Variants in MYO5B observed in about 807,000 individuals in gnomAD.
MYO5B encodes myosin VB.
A neutral mutation model predicts 229.3 loss-of-function variants in MYO5B; 143 were observed. That is an observed-to-expected ratio of 0.62 (90% confidence interval 0.54 to 0.72). The LOEUF (loss-of-function observed/expected upper bound fraction) is 0.72. Among genes scored for constraint, MYO5B ranks in the 30% least tolerant of loss-of-function variants. MYO5B has a pLI of 0.00. For missense variants in MYO5B, 2,321 were observed against 2,331.0 expected, an observed-to-expected ratio of 1.00 and a Z score of 0.09; for synonymous variants, 918 against 885.2, an observed-to-expected ratio of 1.04 and a Z score of -0.66.
chr18:49,943,273 G>C (rs1205185529), intron 14 of MYO5B, among the ~76,000 whole-genome samples: 7 of 150,942 alleles, frequency 4.6e-5, no homozygotes, highest in African/African-American at 1.7e-4. Context: ...GTTAAATGAC[G>C]AGTTACTGGG....
chr18:50,060,768 C>A (rs1008321480), intron 1 of MYO5B, among the ~76,000 whole-genome samples: 3 of 152,150 alleles, frequency 2.0e-5, no homozygotes, highest in African/African-American at 7.2e-5. Context: ...ATGACAAGAG[C>A]CTGAATCCTG....
At chr18:49,869,353 C>T (rs1046779034) in intron 27 of MYO5B, among the ~76,000 whole-genome samples, 1 of 152,160 alleles carries the variant, frequency 6.6e-6, no homozygotes, top group Non-Finnish European at 1.5e-5. Flanking sequence ...CCAGCCTCTT[C>T]AACATGAGTG....
chr18:50,114,288 T>C (rs1252848951), intron 1 of MYO5B, among the ~76,000 whole-genome samples: 6 of 152,192 alleles, frequency 3.9e-5, no homozygotes, highest in Admixed American at 3.9e-4. Context: ...TTATGTAAAT[T>C]TTGGAGAATG....
chr18:49,933,624 CT>C (rs1201051718), intron 16 of MYO5B, among the ~76,000 whole-genome samples: 3 of 152,172 alleles, frequency 2.0e-5, no homozygotes, highest in African/African-American at 7.2e-5. Flanking sequence ...TGATGGGATG[CT>C]TGTAGCATCT....
At chr18:49,948,934 C>G (rs1030730148) in intron 14 of MYO5B, among the ~76,000 whole-genome samples, 1 of 152,178 alleles carries the variant, frequency 6.6e-6, no homozygotes, top group Admixed American at 6.5e-5. Context: ...TGAGACTGCA[C>G]TTGGAAGTGG....
chr18:49,993,354 G>A (rs2025953253), intron 5 of MYO5B, among the ~76,000 whole-genome samples: 1 of 151,816 alleles, frequency 6.6e-6, no homozygotes, highest in African/African-American at 2.4e-5. Context: ...AGAACTATTA[G>A]TGTCGCCTGA....
At chr18:50,065,298 G>A (rs2721089) in intron 1 of MYO5B, among the ~76,000 whole-genome samples, 142,227 of 152,220 alleles carry the variant, frequency 0.93, 67,178 homozygotes, top group East Asian at 1. Context: ...TGGGCACAGT[G>A]AAGAGGAGAC....
At chr18:50,120,645 T>A (rs993023337) in intron 1 of MYO5B, among the ~76,000 whole-genome samples, 3 of 152,284 alleles carry the variant, frequency 2.0e-5, no homozygotes, top group African/African-American at 7.2e-5. Flanking sequence ...AGTAAGCTGC[T>A]CGACCTCAAG....
At chr18:49,841,262 G>C in intron 35 of MYO5B, 103 bp downstream of exon 35, 9 of 1,080,220 alleles carry the variant, frequency 8.3e-6, no homozygotes, top group Non-Finnish European at 1.0e-5. Context: ...GGTCCCCAAG[G>C]GTGCTCCAAA....
At chr18:49,840,132 C>T (rs1409395949) in intron 35 of MYO5B, 10 of 152,378 alleles carry the variant, frequency 6.6e-5, no homozygotes, top group Non-Finnish European at 1.5e-5. Context: ...AATATGAGCA[C>T]ATGTAACCAC....
chr18:49,934,505 C>T lies in MYO5B; in HGVS notation c.2003+1747G>A, dbSNP rs117965270. Among the ~76,000 whole-genome samples, 619 of 152,320 alleles carry T rather than the reference C, an allele frequency of 4.1e-3. 1 individual carries two copies. The highest frequency in any genetic ancestry group is 7.0e-3 in the Non-Finnish European group (475 of 68,044). Reference sequence around the variant, plus strand: ...GAGTATCTGTCCCACAGCAGGGACACGCTCTGATGAGGGAAAGGCCCAAGG... The same window carrying T: ...GAGTATCTGTCCCACAGCAGGGACATGCTCTGATGAGGGAAAGGCCCAAGG... On this transcript the variant is annotated intron_variant, in intron 16 of 39. Coordinates refer to ENST00000285039, the MANE Select transcript of MYO5B (RefSeq NM_001080467.3).
intron 29 of MYO5B, 68 bp from the exon 30 acceptor site, chr18:49,856,958 T>C (rs1598836313): frequency 5.9e-6 from 8 of 1,362,718 alleles, no homozygotes; most frequent in Admixed American, 1.7e-5. Context: ...CAGGGAGTCC[T>C]GGAAAGTGAG....
Position 49,929,525 on chromosome 18 carries a change from C to A in MYO5B, c.2077G>T (p.Gly693Cys). Residue 693 changes from glycine to cysteine, a missense_variant, in exon 17 of 40, where the codon GGC becomes TGC. By Grantham distance (159) the Gly-to-Cys change is radical. This residue lies in a region of MYO5B where 2,113 missense variants were observed against 2,044.7 expected (regional missense o/e 1.03). Transcript: ENST00000285039. ...CACGTTAGTTACCTGGATGGGTAGCCAGCTGCACTGATTCGAATCGTCTCC... is the reference window on the plus strand; with the variant it reads ...CACGTTAGTTACCTGGATGGGTAGCAAGCTGCACTGATTCGAATCGTCTCC... ...VLETIRISAAGYPSRWAYHDF... is the reference protein window; with the variant it reads ...VLETIRISAACYPSRWAYHDF... 6.2e-7 allele frequency: 1 copy of A among 1,607,696 alleles called. No homozygotes were observed. Among genetic ancestry groups the A allele is most frequent in the Non-Finnish European group, 8.5e-7 (1 of 1,178,344 alleles).
At chr18:50,117,251 G>A (rs552897755) in intron 1 of MYO5B, among the ~76,000 whole-genome samples, 34 of 152,024 alleles carry the variant, frequency 2.2e-4, no homozygotes, top group African/African-American at 7.7e-4. Context: ...AATAAGTCTA[G>A]AGAGGAAACT....
At chr18:50,044,124 T>G (rs990023286) in intron 2 of MYO5B, among the ~76,000 whole-genome samples, 1 of 152,156 alleles carries the variant, frequency 6.6e-6, no homozygotes, top group African/African-American at 2.4e-5. Flanking sequence ...GTGGTATTGG[T>G]TTCAGTAAAA....
rs148506095 is a variant in MYO5B at position 49,872,483 on chromosome 18, T to C, written c.3538-251A>G. 1.1e-3 allele frequency among the ~76,000 whole-genome samples: 173 copies of C among 152,128 alleles called. 2 individuals carry two copies. Among genetic ancestry groups the C allele is most frequent in the East Asian group, 7.4e-3 (38 of 5,162 alleles). ...CTCACATGGTCCCCACAGGCACTTATAGGTTGAATATGTATAGCACTGTGT... is the reference window on the plus strand; with the variant it reads ...CTCACATGGTCCCCACAGGCACTTACAGGTTGAATATGTATAGCACTGTGT... On this transcript the variant is annotated intron_variant, in intron 26 of 39. Coordinates refer to ENST00000285039, the MANE Select transcript of MYO5B (RefSeq NM_001080467.3).
At chr18:49,883,520 G>C (rs1456245656) in intron 22 of MYO5B, among the ~76,000 whole-genome samples, 1 of 152,160 alleles carries the variant, frequency 6.6e-6, no homozygotes. Context: ...TTGAGATAAT[G>C]GATCAAAACA....
At chr18:49,891,635 C>T (rs1416214084) in intron 22 of MYO5B, among the ~76,000 whole-genome samples, 1 of 152,172 alleles carries the variant, frequency 6.6e-6, no homozygotes, top group African/African-American at 2.4e-5. Flanking sequence ...TCCACATGAA[C>T]CATGAGTCCT....
At chr18:50,179,992 G>A (rs142055208) in intron 1 of MYO5B, among the ~76,000 whole-genome samples, 15 of 152,290 alleles carry the variant, frequency 9.8e-5, no homozygotes, top group African/African-American at 3.6e-4. Context: ...ATAAGCTATG[G>A]AACACTTAGG....
Sources: allele counts gnomAD v4.1 joint callset (sites outside exome capture counted in the v4.1 genomes callset), GRCh38; gene constraint gnomAD v4.1.1; regional missense constraint gnomAD v4.1.1; transcripts MANE v1.5; gene names NCBI Gene and HGNC (gene_info 2026-07-23, HGNC 2026-07-21).